Variants in LVRN observed in about 807,000 individuals in gnomAD.
The protein encoded by LVRN is laeverin.
LVRN carries 99 observed loss-of-function variants against 111.4 expected under a neutral mutation model. The ratio of observed to expected loss-of-function variants is 0.89; its 90% CI spans 0.76 to 1.05. The LOEUF (loss-of-function observed/expected upper bound fraction) is 1.05. Ranked by LOEUF, LVRN falls within the 50% of genes least tolerant of loss-of-function variation. The probability of loss-of-function intolerance (pLI) is 0.00; values close to 1 mark genes in which losing one functional copy is unlikely to be tolerated. For missense variants in LVRN, 1,414 were observed against 1,206.8 expected (o/e 1.17, Z -2.54); for synonymous variants, 488 against 449.5 (o/e 1.09, Z -1.08).
intron 1 of LVRN, among the ~76,000 whole-genome samples, chr5:115,981,654 A>G (rs897014500): frequency 6.6e-6 from 1 of 152,164 alleles, no homozygotes; most frequent in African/African-American, 2.4e-5. Context: ...CTGTTGTGCT[A>G]TTAAATACTA....
Position 116,003,311 on chromosome 5 carries a change from A to C in LVRN, c.1968A>C (p.Gly656=). ...TGATTTTGAATTTGAATATGACTGG[A>C]TATTATAGAGTTAATTATGATAAAT... ...DWVILNLNMT[G]YYRVNYDKLG... The change falls in exon 12 of 20, where the codon GGA becomes GGC. Residue 656 remains glycine (G), a synonymous_variant. Coordinates refer to ENST00000357872, the MANE Select transcript of LVRN (RefSeq NM_173800.5). The C allele has an allele frequency of 6.4e-7, 1 of 1,556,642 alleles. No homozygotes were observed.
At chr5:115,983,243 G>A in intron 1 of LVRN, 44 bp from the exon 2 acceptor site, 2 of 1,483,658 alleles carry the variant, frequency 1.3e-6, no homozygotes, top group Non-Finnish European at 8.9e-7. Context: ...ATTCCACTGG[G>A]TTGAAATAAA....
intron 1 of LVRN, 151 bp downstream of exon 1, chr5:115,963,463 T>C: frequency 3.5e-6 from 2 of 577,320 alleles, no homozygotes; most frequent in Non-Finnish European, 5.9e-6. Flanking sequence ...TTTTTATTTA[T>C]TTATTTTATT....
chr5:115,965,256 T>C (rs1000888389), intron 1 of LVRN, among the ~76,000 whole-genome samples: 2 of 152,170 alleles, frequency 1.3e-5, no homozygotes, highest in African/African-American at 2.4e-5. Flanking sequence ...TATATGAGTC[T>C]AAGAAGATTC....
At chr5:115,966,102 A>G (rs776769320) in intron 1 of LVRN, among the ~76,000 whole-genome samples, 1 of 152,204 alleles carries the variant, frequency 6.6e-6, no homozygotes, top group Non-Finnish European at 1.5e-5. Context: ...TACTATGCAT[A>G]TATATGTCTT....
intron 1 of LVRN, among the ~76,000 whole-genome samples, chr5:115,978,950 C>A (rs1254313017): frequency 6.6e-6 from 1 of 152,054 alleles, no homozygotes; most frequent in Non-Finnish European, 1.5e-5. Flanking sequence ...CAGTGTTTTT[C>A]CTCTTTTTTT....
At chr5:116,003,732 C>A (rs1052564750) in intron 12 of LVRN, among the ~76,000 whole-genome samples, 4 of 152,010 alleles carry the variant, frequency 2.6e-5, no homozygotes, top group African/African-American at 9.7e-5. Flanking sequence ...CAGGCGCCTG[C>A]CACCACGCCC....
chr5:115,973,521 G>A (rs1458295738), intron 1 of LVRN, among the ~76,000 whole-genome samples: 1 of 152,108 alleles, frequency 6.6e-6, no homozygotes, highest in Non-Finnish European at 1.5e-5. Flanking sequence ...TCACCCATGA[G>A]GCTCTCTGGG....
Position 116,026,023 on chromosome 5 carries a change from A to G in LVRN, c.2878A>G (p.Arg960Gly). 6.2e-7 allele frequency: 1 copy of G among 1,613,988 alleles called. No homozygotes were observed. The highest frequency in any genetic ancestry group is 8.5e-7 in the Non-Finnish European group (1 of 1,179,894). Residue 960 changes from arginine (R) to glycine (G), a missense_variant, in exon 20 of 20, where the codon AGA (arginine) becomes GGA (glycine). By Grantham distance (125) the Arg-to-Gly change is moderately radical. Transcript: ENST00000357872. ...SNMLEEHQRI[R>G]VHANLQTIKN... ...CATGTTGGAGGAACACCAGAGGATC[A>G]GAGTTCATGCCAACTTACAGACAAT...
At chr5:115,963,428 T>C (rs1266618305) in intron 1 of LVRN, 116 bp downstream of exon 1, 2 of 691,710 alleles carry the variant, frequency 2.9e-6, no homozygotes, top group Non-Finnish European at 4.6e-6. Context: ...TTCCAAAGAA[T>C]CCCCTTGCGA....
intron 13 of LVRN, among the ~76,000 whole-genome samples, chr5:116,008,234 C>T (rs1300474335): frequency 6.6e-6 from 1 of 152,060 alleles, no homozygotes; most frequent in Non-Finnish European, 1.5e-5. Flanking sequence ...ATCCCAGCTA[C>T]TCGGGAGGCT....
At position 116,010,642 on chromosome 5, in the gene LVRN, A is replaced by G. The variant is rs1005310793; in HGVS notation, c.2094-99A>G. On this transcript the variant is annotated intron_variant, in intron 13 of 19. Transcript: ENST00000357872. ...GTTTCTTGACTTATTCACATGCCTT[A>G]TTGAAGTCATGCATTGAAACATGGA... 2.4e-6 allele frequency: 3 copies of G among 1,234,558 alleles called. No individual in the cohort carries two copies. In the Admixed American group the frequency reaches 5.9e-5, roughly 24 times the overall value. The allele number at this position is 1,234,558 out of a possible 1,614,324, so 76.5% of individuals were successfully genotyped here. A position where few individuals can be genotyped will look rare whatever the true frequency, so the allele number is the denominator to read the frequency against.
Position 116,003,252 on chromosome 5 carries a change from G to A in LVRN, c.1909G>A (p.Glu637Lys). 2 of 1,579,262 alleles carry A rather than the reference G, an allele frequency of 1.3e-6. No individual in the cohort carries two copies. Among genetic ancestry groups the A allele is most frequent in the Admixed American group, 1.9e-5 (1 of 52,318 alleles). Residue 637 changes from glutamate (E) to lysine (K), a missense_variant, in exon 12 of 20, where the codon GAA becomes AAA. Coordinates refer to ENST00000357872, the MANE Select transcript of LVRN (RefSeq NM_173800.5). ...WLDQSSKVFP[E>K]MQVSDSDHDW... ...ATATTCCTTTATAGAAGTATTCCCAGAAATGCAAGTTTCAGATTCTGACCA... is the reference window on the plus strand; with the variant it reads ...ATATTCCTTTATAGAAGTATTCCCAAAAATGCAAGTTTCAGATTCTGACCA...
chr5:116,012,532 T>C, intron 15 of LVRN, 64 bp downstream of exon 15: 1 of 963,300 alleles, frequency 1.0e-6, no homozygotes, highest in Non-Finnish European at 1.5e-6. Flanking sequence ...CTTCCAGAAG[T>C]AATAAAATAA....
At chr5:115,990,812 T>C (rs1747969610) in intron 4 of LVRN, among the ~76,000 whole-genome samples, 1 of 152,154 alleles carries the variant, frequency 6.6e-6, no homozygotes, top group African/African-American at 2.4e-5. Context: ...TCTCAAGTGA[T>C]CCGTCCGCCT....
At chr5:116,005,327 C>T (rs535763711) in intron 12 of LVRN, among the ~76,000 whole-genome samples, 8 of 152,202 alleles carry the variant, frequency 5.3e-5, no homozygotes, top group Non-Finnish European at 1.0e-4. Context: ...GAGCTGACAG[C>T]AGAATCCTGT....
At chr5:115,982,004 T>C (rs545692658) in intron 1 of LVRN, among the ~76,000 whole-genome samples, 10 of 152,294 alleles carry the variant, frequency 6.6e-5, no homozygotes, top group Non-Finnish European at 1.3e-4. Flanking sequence ...CCTGCGTTGC[T>C]CAGTTGGTAG....
rs137960407 is a variant in LVRN at position 115,984,658 on chromosome 5, A to G, written c.927A>G (p.Ala309=). 190 of 1,613,562 alleles carry G rather than the reference A, an allele frequency of 1.2e-4. No homozygotes were observed. The highest frequency in any genetic ancestry group is 1.6e-4 in the Middle Eastern group (1 of 6,082). The change falls in exon 3 of 20, where the codon GCA becomes GCG. Residue 309 remains alanine, a synonymous_variant. Transcript: ENST00000357872. Reference sequence around the variant, plus strand: ...CCCACATGCCAACTTACTTAGTCGCATTTGTTATATGTGACTATGACCACG... The same window carrying G: ...CCCACATGCCAACTTACTTAGTCGCGTTTGTTATATGTGACTATGACCACG... The part of the protein sequence containing the change: ...TTPHMPTYLV[A]FVICDYDHVN...
chr5:115,972,951 A>T (rs991710265), intron 1 of LVRN, among the ~76,000 whole-genome samples: 1 of 151,074 alleles, frequency 6.6e-6, no homozygotes, highest in Non-Finnish European at 1.5e-5. Context: ...TTTTCCAGAC[A>T]GGGTCTCACT....
Sources: allele counts gnomAD v4.1 joint callset (sites outside exome capture counted in the v4.1 genomes callset), GRCh38; gene constraint gnomAD v4.1.1; transcripts MANE v1.5; gene names NCBI Gene and HGNC (gene_info 2026-07-23, HGNC 2026-07-21).